Variants in NPC1 observed in about 807,000 individuals in gnomAD.
The protein encoded by NPC1 is NPC intracellular cholesterol transporter 1.
Under a neutral mutation model 140.4 loss-of-function variants are expected in NPC1, and 85 were observed. That is an observed-to-expected ratio of 0.61 (90% CI 0.51 to 0.72). NPC1 has a LOEUF of 0.72. Ranked by LOEUF, NPC1 falls within the 30% of genes least tolerant of loss-of-function variation. NPC1 has a pLI of 0.00. For missense variants in NPC1, 1,504 were observed against 1,623.8 expected, an observed-to-expected ratio of 0.93 and a Z score of 1.27; for synonymous variants, 656 against 624.8, an observed-to-expected ratio of 1.05 and a Z score of -0.74.
chr18:23,529,964 G>T, downstream of NPC1: 1 of 1,419,094 alleles, frequency 7.0e-7, no homozygotes, highest in Non-Finnish European at 9.9e-7. Flanking sequence ...TCCTTGGGGA[G>T]CCTCTAGTCT....
chr18:23,576,931 G>C lies in NPC1; in HGVS notation c.58-3357C>G, dbSNP rs375197244. ...AACAACGCTTCCACAGCATGGAAGA[G>C]GACCCGGGCGGGTTGCTAATGCTGG... is the stretch of plus-strand genomic sequence containing the variant. On this transcript the variant is annotated intron_variant, in intron 1 of 24. Coordinates refer to ENST00000269228, the MANE Select transcript of NPC1 (RefSeq NM_000271.5). 5.2e-5 allele frequency: 8 copies of C among 152,586 alleles called. No homozygotes were observed. In the East Asian group the frequency reaches 1.5e-3, roughly 29 times the overall value. The allele number at this position is 152,586 out of a possible 1,614,324, so 9.5% of individuals were successfully genotyped here.
intron 4 of NPC1, among the ~76,000 whole-genome samples, chr18:23,563,987 G>GTTTTTTTTTTTTT (rs71163619): frequency 2.9e-5 from 3 of 102,588 alleles, no homozygotes; most frequent in Admixed American, 1.2e-4. Context: ...AGTAGTAAGA[G>GTTTTTTTTTTTTT]TTTTTTTTTT....
chr18:23,563,210 T>C (rs1039758950), intron 4 of NPC1, among the ~76,000 whole-genome samples: 40 of 152,254 alleles, frequency 2.6e-4, no homozygotes, highest in Non-Finnish European at 1.2e-4. Flanking sequence ...AATACTTCAT[T>C]TCTTTTTACG....
intron 1 of NPC1, among the ~76,000 whole-genome samples, chr18:23,582,663 G>A (rs1192433196): frequency 6.6e-6 from 1 of 152,008 alleles, no homozygotes; most frequent in Non-Finnish European, 1.5e-5. Flanking sequence ...AATTAGCAGG[G>A]CATGATGGTG....
chr18:23,539,972 G>A lies in NPC1; in HGVS notation c.2634C>T (p.Ser878=), dbSNP rs2058689667. The A allele has an allele frequency of 1.9e-6, 3 of 1,614,058 alleles. No homozygotes were observed. Among genetic ancestry groups the A allele is most frequent in the Non-Finnish European group, 2.5e-6 (3 of 1,180,036 alleles). Residue 878 remains serine, a synonymous_variant, in exon 18 of 25, where the codon TCC becomes TCT. Transcript: ENST00000269228. ...DDSYMVDYFK[S]ISQYLHAGPP... ...GACCCGCATGCAGGTACTGACTGAT[G>A]GATTTGAAATAATCCACCATGTAGG...
rs1555637232 is a variant in NPC1 at position 23,556,499 on chromosome 18, G to A, written c.1070C>T (p.Ser357Leu). ...CGAACACGCAGTAATGAAGACCAGCGAGAAGAAAATGACACAGCCAGGGTT... is the reference window on the plus strand; with the variant it reads ...CGAACACGCAGTAATGAAGACCAGCAAGAAGAAAATGACACAGCCAGGGTT... Reference protein sequence around the residue: ...VRNPGCVIFFSLVFITACSSG... With the variant: ...VRNPGCVIFFLLVFITACSSG... Residue 357 changes from serine to leucine, a missense_variant, in exon 8 of 25, where the codon TCG (serine) becomes TTG (leucine). Coordinates refer to ENST00000269228, the MANE Select transcript of NPC1 (RefSeq NM_000271.5). 2.5e-6 allele frequency: 4 copies of A among 1,614,056 alleles called. No homozygotes were observed. Among genetic ancestry groups the A allele is most frequent in the Non-Finnish European group, 2.5e-6 (3 of 1,180,042 alleles).
chr18:23,532,584 G>A (rs923715411), intron 24 of NPC1, among the ~76,000 whole-genome samples: 3 of 151,966 alleles, frequency 2.0e-5, no homozygotes, highest in South Asian at 2.1e-4. Flanking sequence ...GACTGCAGAC[G>A]CACACCACTT....
downstream of NPC1, chr18:23,530,703 C>T: frequency 2.4e-6 from 3 of 1,245,864 alleles, no homozygotes; most frequent in Non-Finnish European, 1.1e-6. Context: ...CCTGGGTTAG[C>T]ATTTTTGTAA....
chr18:23,531,318 TATACAACCTA>T (rs1157303779), downstream of NPC1: 4 of 282,502 alleles, frequency 1.4e-5, no homozygotes, highest in East Asian at 3.2e-4. Flanking sequence ...TCCAAATAGT[TATACAACCTA>T]AGACATCATC....
chr18:23,507,910 T>G lies in NPC1; in HGVS notation c.432-1268A>C, dbSNP rs562272343. Reference sequence around the variant, plus strand: ...AAGTTAATATTTATTTTTCTTGTCTTGTAGTATGCCAACGTAGGTTGGCAG... The same window carrying G: ...AAGTTAATATTTATTTTTCTTGTCTGGTAGTATGCCAACGTAGGTTGGCAG... On this transcript the variant is annotated intron_variant, in intron 3 of 3. Coordinates refer to the NPC1 transcript ENST00000591107. 116 of 1,345,224 alleles carry G rather than the reference T, an allele frequency of 8.6e-5. No homozygotes were observed. In the African/African-American group the frequency reaches 1.5e-3, roughly 18 times the overall value. 83.3% of individuals were successfully genotyped at this position (1,345,224 alleles called of 1,614,324 possible).
intron 7 of NPC1, 32 bp from the exon 8 acceptor site, chr18:23,556,645 G>A (rs2058957396): frequency 1.2e-6 from 2 of 1,612,416 alleles, no homozygotes; most frequent in Non-Finnish European, 1.7e-6. Flanking sequence ...GGAAGGTGGA[G>A]GTTAAGAGCC....
chr18:23,580,170 AC>A (rs1356944113), intron 1 of NPC1, among the ~76,000 whole-genome samples: 3 of 152,232 alleles, frequency 2.0e-5, no homozygotes, highest in African/African-American at 7.2e-5. Context: ...ATGCAGTAGC[AC>A]AGCAGAATTT....
chr18:23,560,154 C>T (rs2059017087), intron 6 of NPC1, 77 bp downstream of exon 6: 1 of 1,579,724 alleles, frequency 6.3e-7, no homozygotes, highest in African/African-American at 1.3e-5. Flanking sequence ...AGTAACCAAG[C>T]TCTGACAAAT....
At chr18:23,538,868 C>T in intron 19 of NPC1, 197 bp from the exon 20 acceptor site, 1 of 623,154 alleles carries the variant, frequency 1.6e-6, no homozygotes, top group South Asian at 1.9e-5. Context: ...TCTGAAATAC[C>T]ATTTTCATCT....
downstream of NPC1, chr18:23,526,542 C>G: frequency 2.0e-6 from 3 of 1,478,464 alleles, no homozygotes; most frequent in Non-Finnish European, 2.7e-6. Flanking sequence ...TTATCACCAC[C>G]TGCCACCCGC....
chr18:23,531,593 TCTAA>T lies in NPC1; in HGVS notation c.*605_*608del. On this transcript the variant is annotated 3_prime_UTR_variant, in exon 25 of 25. Coordinates refer to ENST00000269228, the MANE Select transcript of NPC1 (RefSeq NM_000271.5). ...TCTTTGTCCCTCATTTCATGCCACATCTAACTGGCAATTAAATCTCTTCCTTTCT... is the reference window on the plus strand; with the variant it reads ...TCTTTGTCCCTCATTTCATGCCACATCTGGCAATTAAATCTCTTCCTTTCT... 1 of 1,605,394 alleles carries T rather than the reference TCTAA, an allele frequency of 6.2e-7. No homozygotes were observed. Among genetic ancestry groups the T allele is most frequent in the Non-Finnish European group, 8.5e-7 (1 of 1,177,346 alleles).
intron 17 of NPC1, 87 bp from the exon 18 acceptor site, chr18:23,540,088 C>A: frequency 8.5e-7 from 1 of 1,172,230 alleles, no homozygotes; most frequent in Non-Finnish European, 1.2e-6. Context: ...TAAGAGGGTG[C>A]CAGGAGGTTC....
chr18:23,548,249 T>TTGC, intron 10 of NPC1, 141 bp from the exon 11 acceptor site: 1 of 693,936 alleles, frequency 1.4e-6, no homozygotes, highest in Admixed American at 2.1e-5. Flanking sequence ...AAACAAGAGT[T>TTGC]TGCTGAAATA....
At chr18:23,573,095 G>C (rs1049370651) in intron 2 of NPC1, among the ~76,000 whole-genome samples, 8 of 152,166 alleles carry the variant, frequency 5.3e-5, no homozygotes, top group African/African-American at 1.7e-4. Context: ...AAGCCACTTA[G>C]CAACAGAGTC....
Sources: allele counts gnomAD v4.1 joint callset (sites outside exome capture counted in the v4.1 genomes callset), GRCh38; gene constraint gnomAD v4.1.1; transcripts MANE v1.5; gene names NCBI Gene and HGNC (gene_info 2026-07-23, HGNC 2026-07-21).